The following CHRM3 variants were observed in gnomAD, a reference collection of about 807,000 sequenced individuals.
The protein encoded by CHRM3 is cholinergic receptor muscarinic 3.
A neutral mutation model predicts 41.8 loss-of-function variants in CHRM3; 11 were observed. The ratio of observed to expected loss-of-function variants is 0.26; its 90% CI spans 0.17 to 0.44. The LOEUF is 0.44. Among genes scored for constraint, CHRM3 ranks in the 20% least tolerant of loss-of-function variants. The pLI, the probability that CHRM3 is intolerant of heterozygous loss-of-function variation, is 1.00. For synonymous variants in CHRM3, 297 were observed against 301.4 expected (o/e 0.99, Z 0.15); for missense variants, 571 against 745.4 (o/e 0.77, Z 2.72).
At chr1:239,886,397 C>T (rs1413860326) in intron 6 of CHRM3, 1 of 152,064 alleles carries the variant, frequency 6.6e-6, no homozygotes, top group Non-Finnish European at 1.5e-5. Flanking sequence ...TTTAAAATAT[C>T]ACAGGGAAGA....
intron 2 of CHRM3, among the ~76,000 whole-genome samples, chr1:239,516,850 A>G (rs1265324277): frequency 2.6e-5 from 4 of 152,114 alleles, no homozygotes; most frequent in Non-Finnish European, 5.9e-5. Context: ...TTAGATTCTC[A>G]TAGAAGCACA....
intron 5 of CHRM3, among the ~76,000 whole-genome samples, chr1:239,794,132 T>A (rs540667810): frequency 1.3e-5 from 2 of 152,114 alleles, no homozygotes; most frequent in Non-Finnish European, 2.9e-5. Flanking sequence ...ATAGTTTAGA[T>A]CTGAGAGTTT....
At chr1:239,578,781 C>T (rs886443938) in intron 3 of CHRM3, among the ~76,000 whole-genome samples, 5 of 152,066 alleles carry the variant, frequency 3.3e-5, no homozygotes, top group Admixed American at 6.6e-5. Context: ...GGGACTCCAC[C>T]CGGTCCCCAA....
At chr1:239,436,713 G>A (rs1663300012) in intron 1 of CHRM3, among the ~76,000 whole-genome samples, 1 of 151,930 alleles carries the variant, frequency 6.6e-6, no homozygotes, top group Non-Finnish European at 1.5e-5. Flanking sequence ...TCCCTCAAAT[G>A]CATTAGATTC....
intron 4 of CHRM3, among the ~76,000 whole-genome samples, chr1:239,653,497 CTT>C (rs1469589958): frequency 6.6e-6 from 1 of 152,088 alleles, no homozygotes; most frequent in African/African-American, 2.4e-5. Flanking sequence ...AGGATGGAAT[CTT>C]TGTCAAAGAG....
At chr1:239,461,088 CATT>C (rs1665323371) in intron 1 of CHRM3, among the ~76,000 whole-genome samples, 1 of 152,060 alleles carries the variant, frequency 6.6e-6, no homozygotes, top group African/African-American at 2.4e-5. Flanking sequence ...GTATGCAGCT[CATT>C]ATTTTGGCTT....
chr1:239,463,191 T>G (rs1665483121), intron 1 of CHRM3, among the ~76,000 whole-genome samples: 1 of 151,994 alleles, frequency 6.6e-6, no homozygotes, highest in Non-Finnish European at 1.5e-5. Context: ...ACAGATAGAG[T>G]GAATACATGA....
chr1:239,457,398 GA>G (rs763811220), intron 1 of CHRM3, among the ~76,000 whole-genome samples: 1 of 151,546 alleles, frequency 6.6e-6, no homozygotes, highest in African/African-American at 2.4e-5. Context: ...TTACACTCCA[GA>G]AAAAAAACAG....
chr1:239,683,784 A>T (rs1658806781), intron 5 of CHRM3, among the ~76,000 whole-genome samples: 2 of 152,106 alleles, frequency 1.3e-5, no homozygotes, highest in East Asian at 3.9e-4. Flanking sequence ...AAGCATTTGG[A>T]TCATTCTCTT....
intron 4 of CHRM3, among the ~76,000 whole-genome samples, chr1:239,644,667 CGGA>C (rs1671578116): frequency 6.6e-6 from 1 of 152,098 alleles, no homozygotes; most frequent in Non-Finnish European, 1.5e-5. Context: ...AGAAGAAAGC[CGGA>C]GTGGACTCTT....
chr1:239,681,919 G>A (rs929654258), intron 5 of CHRM3, among the ~76,000 whole-genome samples: 29 of 152,090 alleles, frequency 1.9e-4, no homozygotes, highest in African/African-American at 6.8e-4. Context: ...GTTATAAGGT[G>A]TTGAATCAAC....
intron 5 of CHRM3, among the ~76,000 whole-genome samples, chr1:239,787,654 G>T (rs1490871181): frequency 6.6e-6 from 1 of 152,150 alleles, no homozygotes; most frequent in East Asian, 1.9e-4. Flanking sequence ...GGCCCATGCT[G>T]AGGGGAAGCG....
chr1:239,467,541 C>G (rs997859606), intron 1 of CHRM3, among the ~76,000 whole-genome samples: 2 of 152,176 alleles, frequency 1.3e-5, no homozygotes, highest in African/African-American at 4.8e-5. Flanking sequence ...ACCTCGTGAT[C>G]CGCCTGCCTC....
intron 5 of CHRM3, among the ~76,000 whole-genome samples, chr1:239,781,667 G>A (rs1572272553): frequency 6.6e-6 from 1 of 152,116 alleles, no homozygotes; most frequent in East Asian, 1.9e-4. Context: ...AAAAGCAGTG[G>A]TGAGCGGGGA....
intron 2 of CHRM3, among the ~76,000 whole-genome samples, chr1:239,496,526 TGTGTGTG>T (rs764710624): frequency 1.3e-5 from 2 of 151,438 alleles, no homozygotes; most frequent in African/African-American, 2.4e-5. Flanking sequence ...TGTGTGTGTG[TGTGTGTG>T]TGTGTGTGTG....
intron 3 of CHRM3, among the ~76,000 whole-genome samples, chr1:239,619,321 A>T (rs1001845429): frequency 6.6e-6 from 1 of 152,150 alleles, no homozygotes; most frequent in Non-Finnish European, 1.5e-5. Flanking sequence ...CTGAGTCTGG[A>T]CTGCCTGAAG....
chr1:239,907,038 C>A lies in CHRM3; in HGVS notation c.-19-395C>A, dbSNP rs1680021388. 6.6e-6 allele frequency among the ~76,000 whole-genome samples: 1 copy of A among 152,098 alleles called. No individual in the cohort carries two copies. Among genetic ancestry groups the A allele is most frequent in the Non-Finnish European group, 1.5e-5 (1 of 68,014 alleles). On this transcript the variant is annotated intron_variant, in intron 6 of 6. Coordinates refer to ENST00000676153, the MANE Select transcript of CHRM3 (RefSeq NM_001375978.1). The surrounding 1 kb of genome is among the most constrained non-coding windows in gnomAD (Gnocchi z 5.4). ...ATGCCCAGATAGATAAAATGCAAAT[C>A]AAGTCAAGTTATCAATTTAGCATGA...
chr1:239,481,159 A>G (rs1363425060), intron 1 of CHRM3, among the ~76,000 whole-genome samples: 1 of 152,220 alleles, frequency 6.6e-6, no homozygotes, highest in African/African-American at 2.4e-5. Context: ...ATAATTTTGA[A>G]TGGAAAAAAT....
At chr1:239,582,897 A>C (rs1435429719) in intron 3 of CHRM3, among the ~76,000 whole-genome samples, 2 of 151,954 alleles carry the variant, frequency 1.3e-5, no homozygotes, top group African/African-American at 2.4e-5. Context: ...TTTATGAGAC[A>C]CTCTCTGATC....
Sources: allele counts gnomAD v4.1 joint callset (sites outside exome capture counted in the v4.1 genomes callset), GRCh38; gene constraint gnomAD v4.1.1; non-coding constraint Gnocchi (gnomAD v3.1); transcripts MANE v1.5; gene names NCBI Gene and HGNC (gene_info 2026-07-23, HGNC 2026-07-21).